NCOA3: variants seen among roughly 807,000 people sequenced by gnomAD.
NCOA3 encodes nuclear receptor coactivator 3, also known as CBP-interacting protein.
NCOA3 carries 51 observed loss-of-function variants against 158.8 expected under a neutral mutation model. The observed-to-expected ratio is 0.32, with a 90% CI of 0.26 to 0.41. The LOEUF is 0.41. Ranked by LOEUF, NCOA3 falls within the 10% of genes least tolerant of loss-of-function variation. The probability of loss-of-function intolerance (pLI) is 1.00; values close to 1 mark genes in which losing one functional copy is unlikely to be tolerated. For synonymous variants in NCOA3, 537 were observed against 592.4 expected, an observed-to-expected ratio of 0.91 and a Z score of 1.36; for missense variants, 1,510 against 1,746.6, an observed-to-expected ratio of 0.86 and a Z score of 2.41.
chr20:47,631,512 A>G (rs2146313239), intron 8 of NCOA3: 1 of 152,298 alleles, frequency 6.6e-6, no homozygotes, highest in South Asian at 2.1e-4. Context: ...AACCTTCTTT[A>G]ATTTCATAGT....
At chr20:47,534,069 T>C (rs1156619895) in intron 1 of NCOA3, among the ~76,000 whole-genome samples, 4 of 148,474 alleles carry the variant, frequency 2.7e-5, no homozygotes, top group Non-Finnish European at 4.4e-5. Context: ...ATATCTTCTT[T>C]TGAAGGTAGA....
At chr20:47,643,904 G>T (rs2086648410) in intron 17 of NCOA3, among the ~76,000 whole-genome samples, 1 of 150,670 alleles carries the variant, frequency 6.6e-6, no homozygotes, top group Non-Finnish European at 1.5e-5. Context: ...ATTTGCATGT[G>T]ACCCGTTTAT....
intron 2 of NCOA3, among the ~76,000 whole-genome samples, chr20:47,607,930 G>A (rs1212718586): frequency 6.6e-6 from 1 of 152,242 alleles, no homozygotes; most frequent in East Asian, 1.9e-4. Context: ...GCAAATATAT[G>A]TTTTTAATTA....
At chr20:47,531,260 A>G (rs1196327387) in intron 1 of NCOA3, among the ~76,000 whole-genome samples, 6 of 151,956 alleles carry the variant, frequency 3.9e-5, no homozygotes, top group Non-Finnish European at 8.8e-5. Context: ...AATCGCTTGA[A>G]CTCAGGAGGC....
chr20:47,585,975 C>T (rs1340971179), intron 2 of NCOA3, among the ~76,000 whole-genome samples: 1 of 148,680 alleles, frequency 6.7e-6, no homozygotes, highest in Admixed American at 6.8e-5. Context: ...GCTTGGAGTG[C>T]AATGGCGCGA....
chr20:47,586,528 G>C (rs1158240436), intron 2 of NCOA3, among the ~76,000 whole-genome samples: 1 of 152,112 alleles, frequency 6.6e-6, no homozygotes, highest in African/African-American at 2.4e-5. Context: ...AATGGACATC[G>C]ATGAAATCTA....
At chr20:47,652,644 A>T (rs973318764) in intron 21 of NCOA3, 64 bp downstream of exon 21, 4 of 1,483,536 alleles carry the variant, frequency 2.7e-6, no homozygotes, top group Non-Finnish European at 3.7e-6. Flanking sequence ...AACTTAATGT[A>T]TTTTTCAGTC....
chr20:47,642,125 A>G (rs866685939), intron 16 of NCOA3, 88 bp from the exon 17 acceptor site: 3 of 995,922 alleles, frequency 3.0e-6, no homozygotes, highest in African/African-American at 3.3e-5. Context: ...GTTACTGTTC[A>G]TTAAAAATAC....
intron 20 of NCOA3, among the ~76,000 whole-genome samples, chr20:47,651,751 G>C (rs1297584070): frequency 6.6e-6 from 1 of 151,790 alleles, no homozygotes; most frequent in Non-Finnish European, 1.5e-5. Context: ...TGCAACCTCT[G>C]CCTCCCGGGT....
chr20:47,514,868 A>G (rs933520533), intron 1 of NCOA3, among the ~76,000 whole-genome samples: 1 of 151,618 alleles, frequency 6.6e-6, no homozygotes, highest in Admixed American at 6.6e-5. Flanking sequence ...TATTTTTAGC[A>G]GAGACAGAGT....
At chr20:47,631,293 T>G (rs142877970) in intron 8 of NCOA3, 14 of 152,356 alleles carry the variant, frequency 9.2e-5, no homozygotes, top group African/African-American at 3.4e-4. Context: ...GCAGTTTTGG[T>G]TCCTTGAGCC....
chr20:47,555,102 T>C (rs1443795253), intron 1 of NCOA3, among the ~76,000 whole-genome samples: 2 of 152,282 alleles, frequency 1.3e-5, no homozygotes, highest in East Asian at 3.9e-4. Flanking sequence ...AAACAAGCAA[T>C]GGGGAAAGGA....
intron 2 of NCOA3, among the ~76,000 whole-genome samples, chr20:47,621,793 A>G (rs535010601): frequency 6.6e-6 from 1 of 151,978 alleles, no homozygotes; most frequent in South Asian, 2.1e-4. Flanking sequence ...AACTAGGATT[A>G]CAGGCACCTG....
chr20:47,617,109 C>T (rs1345750923), intron 2 of NCOA3, among the ~76,000 whole-genome samples: 1 of 152,116 alleles, frequency 6.6e-6, no homozygotes, highest in Non-Finnish European at 1.5e-5. Context: ...GTGCATGCCA[C>T]CATGCCCAGC....
chr20:47,604,650 C>T (rs764107248), intron 2 of NCOA3, among the ~76,000 whole-genome samples: 23 of 152,304 alleles, frequency 1.5e-4, no homozygotes, highest in South Asian at 4.1e-4. Flanking sequence ...GTTGCCCAGG[C>T]TGGTCTCAAA....
At chr20:47,539,779 C>A (rs1379036484) in intron 1 of NCOA3, among the ~76,000 whole-genome samples, 1 of 152,194 alleles carries the variant, frequency 6.6e-6, no homozygotes, top group Admixed American at 6.5e-5. Flanking sequence ...CCTGCCTTGG[C>A]CCCCCAAAGT....
At chr20:47,536,620 ATT>A (rs2084637975) in intron 1 of NCOA3, among the ~76,000 whole-genome samples, 1 of 152,054 alleles carries the variant, frequency 6.6e-6, no homozygotes. Context: ...TTGCCTCTTT[ATT>A]AAGTGATGAT....
In NCOA3 at chr20:47,636,177, AAGTAAGGAGAGC is replaced by A. The variant is rs771635802; in HGVS notation, c.1795_1806del (p.Lys599_Ser602del). ...GCAGAGATCACCTCAGTGACAAAGA[AAGTAAGGAGAGC>A]AGTGTTGAGGGGGCAGAGAATCAAA... On this transcript the variant is annotated inframe_deletion, in exon 12 of 23. Transcript: ENST00000371998. 1.2e-6 allele frequency: 2 copies of A among 1,614,196 alleles called. No individual in the cohort carries two copies. Among genetic ancestry groups the A allele is most frequent in the Non-Finnish European group, 1.7e-6 (2 of 1,180,024 alleles).
chr20:47,511,524 G>T (rs371774583), intron 1 of NCOA3, among the ~76,000 whole-genome samples: 13 of 22,012 alleles, frequency 5.9e-4, no homozygotes, highest in East Asian at 2.4e-3. Flanking sequence ...TCTCTCTCGA[G>T]ATATATATAT....
Sources: allele counts gnomAD v4.1 joint callset (sites outside exome capture counted in the v4.1 genomes callset), GRCh38; gene constraint gnomAD v4.1.1; transcripts MANE v1.5; gene names NCBI Gene and HGNC (gene_info 2026-07-23, HGNC 2026-07-21).